NCOR1: variants seen among roughly 807,000 people sequenced by gnomAD.
NCOR1 encodes the protein protein phosphatase 1, regulatory subunit 109.
NCOR1 carries 63 observed loss-of-function variants against 288.1 expected under a neutral mutation model. That is an observed-to-expected ratio of 0.22 (90% CI 0.18 to 0.27). The LOEUF (loss-of-function observed/expected upper bound fraction) is 0.27, where lower values mean the gene tolerates loss of function less well. Among genes scored for constraint, NCOR1 ranks in the 10% least tolerant of loss-of-function variants. NCOR1 has a pLI of 1.00. For synonymous variants in NCOR1, 1,007 were observed against 1,065.9 expected, an observed-to-expected ratio of 0.94 and a Z score of 1.08; for missense variants, 2,397 against 3,019.2, an observed-to-expected ratio of 0.79 and a Z score of 4.83.
chr17:16,169,546 ATTAG>A (rs1302847511), intron 4 of NCOR1, among the ~76,000 whole-genome samples: 2 of 152,326 alleles, frequency 1.3e-5, no homozygotes, highest in African/African-American at 2.4e-5. Flanking sequence ...AAGGAGAAGT[ATTAG>A]TTAGTAGAAG....
intron 1 of NCOR1, among the ~76,000 whole-genome samples, chr17:16,212,912 CA>C (rs1004252574): frequency 4.2e-4 from 60 of 144,384 alleles, no homozygotes; most frequent in South Asian, 6.6e-4. Flanking sequence ...TCTCTACAAA[CA>C]AAAAAAAAAA....
chr17:16,057,292 T>C, intron 40 of NCOR1: 1 of 545,336 alleles, frequency 1.8e-6, no homozygotes, highest in Non-Finnish European at 3.3e-6. Context: ...ACAAATAGAA[T>C]ATAATCATCT....
intron 1 of NCOR1, among the ~76,000 whole-genome samples, chr17:16,213,462 A>G (rs1180133400): frequency 7.6e-6 from 1 of 131,068 alleles, no homozygotes; most frequent in African/African-American, 2.9e-5. Flanking sequence ...ACTGCACTCC[A>G]GCCTGGGTGA....
intron 3 of NCOR1, among the ~76,000 whole-genome samples, chr17:16,183,230 CAAAAAA>C (rs59665102): frequency 9.4e-5 from 6 of 64,094 alleles, no homozygotes; most frequent in South Asian, 4.8e-4. Context: ...AGCAATCAAA[CAAAAAA>C]AAAAAAAAAG....
At chr17:16,166,542 T>C (rs949549194) in intron 4 of NCOR1, among the ~76,000 whole-genome samples, 4 of 152,006 alleles carry the variant, frequency 2.6e-5, no homozygotes, top group African/African-American at 9.7e-5. Flanking sequence ...TAGCTGGGCG[T>C]GGTGGCGGGC....
chr17:16,164,660 C>T (rs2081632324), intron 5 of NCOR1, among the ~76,000 whole-genome samples: 2 of 152,016 alleles, frequency 1.3e-5, no homozygotes, highest in Admixed American at 1.3e-4. Context: ...TTGGGCCAAG[C>T]ACTGCCATTC....
At chr17:16,063,989 T>C in intron 35 of NCOR1, 79 bp downstream of exon 35, 1 of 1,439,076 alleles carries the variant, frequency 6.9e-7, no homozygotes, top group African/African-American at 1.4e-5. Flanking sequence ...ATCAAAACTT[T>C]TTGTGCGCAG....
intron 3 of NCOR1, among the ~76,000 whole-genome samples, chr17:16,175,757 G>A (rs118034887): frequency 1.1e-4 from 17 of 151,514 alleles, no homozygotes; most frequent in East Asian, 1.9e-4. Flanking sequence ...AATGCCATGC[G>A]CCTGTAATCT....
Position 16,070,401 on chromosome 17 carries a change from T to C in NCOR1, c.4277A>G (p.Asn1426Ser), listed in dbSNP as rs1353205998. The C allele has an allele frequency of 6.2e-7, 1 of 1,614,206 alleles. No homozygotes were observed. The highest frequency in any genetic ancestry group is 8.5e-7 in the Non-Finnish European group (1 of 1,180,034). The change falls in exon 31 of 46, where the codon AAC (asparagine) becomes AGC (serine). Residue 1426 changes from asparagine (N) to serine (S), a missense_variant. Coordinates refer to ENST00000268712, the MANE Select transcript of NCOR1 (RefSeq NM_006311.4). Reference protein sequence around the residue: ...GMPPLEIVPENIKVVERGKYE... With the variant: ...GMPPLEIVPESIKVVERGKYE... ...TTTTCCCCGTTCTACCACTTTTATG[T>C]TCTCTGGCACAATTTCCAGCGGAGG...
chr17:16,091,440 G>T, intron 22 of NCOR1: 1 of 521,532 alleles, frequency 1.9e-6, no homozygotes, highest in Non-Finnish European at 2.5e-6. Context: ...CTTAGCCAGC[G>T]TCTGATTGGA....
At chr17:16,040,250 A>G in intron 43 of NCOR1, 191 bp downstream of exon 43, 2 of 682,648 alleles carry the variant, frequency 2.9e-6, no homozygotes, top group Admixed American at 2.0e-5. Flanking sequence ...TTATCTTTTC[A>G]ATAGGTATTT....
chr17:16,164,186 A>G (rs1192713814), intron 5 of NCOR1, among the ~76,000 whole-genome samples: 3 of 151,720 alleles, frequency 2.0e-5, no homozygotes, highest in Middle Eastern at 3.2e-3. Flanking sequence ...GGTTGCAGTG[A>G]GCCAAGATCG....
chr17:16,078,666 C>T (rs1231413687), intron 26 of NCOR1, among the ~76,000 whole-genome samples: 1 of 152,158 alleles, frequency 6.6e-6, no homozygotes, highest in African/African-American at 2.4e-5. Context: ...ACCTCCGCCT[C>T]CCAGGTTCAA....
chr17:16,149,055 C>A (rs949156565), intron 9 of NCOR1, among the ~76,000 whole-genome samples: 1 of 151,768 alleles, frequency 6.6e-6, no homozygotes, highest in African/African-American at 2.4e-5. Context: ...AAAGCTGAAC[C>A]CTAGCTGACC....
intron 1 of NCOR1, among the ~76,000 whole-genome samples, chr17:16,196,563 T>C (rs1392896125): frequency 6.6e-6 from 1 of 152,026 alleles, no homozygotes; most frequent in African/African-American, 2.4e-5. Flanking sequence ...TGGTGGCTCA[T>C]GCCTGTAGTC....
intron 19 of NCOR1, among the ~76,000 whole-genome samples, chr17:16,106,883 A>ATATATATATATT (rs1164118180): frequency 3.2e-5 from 1 of 31,412 alleles, no homozygotes; most frequent in African/African-American, 1.4e-4. Flanking sequence ...ATATATATAT[A>ATATATATATATT]TTTTTTTTTT....
chr17:16,125,713 A>C (rs867446335), intron 15 of NCOR1, among the ~76,000 whole-genome samples: 61 of 151,932 alleles, frequency 4.0e-4, no homozygotes, highest in Admixed American at 1.9e-3. Context: ...AAAAAAAAAA[A>C]AAAAAAAAAC....
Position 16,067,875 on chromosome 17 carries a change from C to T in NCOR1, c.4741+19G>A. The T allele has an allele frequency of 1.9e-6, 3 of 1,592,330 alleles. No individual in the cohort carries two copies. Among genetic ancestry groups the T allele is most frequent in the Non-Finnish European group, 2.6e-6 (3 of 1,167,016 alleles). ...GGCATATTTATTTGCCATAAATTAT[C>T]ACTATATTTTGTGTTTACCAGGATC... On this transcript the variant is annotated intron_variant, in intron 32 of 45. Transcript: ENST00000268712.
At chr17:16,165,481 C>T (rs576605439) in intron 4 of NCOR1, among the ~76,000 whole-genome samples, 1 of 152,264 alleles carries the variant, frequency 6.6e-6, no homozygotes, top group East Asian at 1.9e-4. Flanking sequence ...AAGGAAGATA[C>T]CAACTTCTCA....
Sources: allele counts gnomAD v4.1 joint callset (sites outside exome capture counted in the v4.1 genomes callset), GRCh38; gene constraint gnomAD v4.1.1; transcripts MANE v1.5; gene names NCBI Gene and HGNC (gene_info 2026-07-23, HGNC 2026-07-21).